SPATA17: variants seen among roughly 807,000 people sequenced by gnomAD.
The protein encoded by SPATA17 is spermatogenesis associated 17, also known as spermatogenesis-associated protein 17.
SPATA17 carries 53 observed loss-of-function variants against 62.2 expected under a neutral mutation model. That is an observed-to-expected ratio of 0.85 (90% CI 0.68 to 1.07). SPATA17 has a LOEUF of 1.07. Ranked by LOEUF, SPATA17 falls within the 50% of genes least tolerant of loss-of-function variation. The pLI is 0.00. For synonymous variants in SPATA17, 146 were observed against 146.8 expected (o/e 0.99, Z 0.04); for missense variants, 466 against 425.5 (o/e 1.10, Z -0.84).
chr1:217,800,842 C>T (rs760903586), intron 8 of SPATA17, among the ~76,000 whole-genome samples: 1 of 152,064 alleles, frequency 6.6e-6, no homozygotes, highest in Non-Finnish European at 1.5e-5. Context: ...AGGTTTATAA[C>T]TTTTTAAAAA....
chr1:217,816,694 A>G (rs934537487), intron 9 of SPATA17, among the ~76,000 whole-genome samples: 2 of 152,086 alleles, frequency 1.3e-5, no homozygotes, highest in African/African-American at 4.8e-5. Flanking sequence ...AATATTAAGA[A>G]GTTACTATCT....
intron 9 of SPATA17, among the ~76,000 whole-genome samples, chr1:217,805,464 T>C (rs1674411137): frequency 6.6e-6 from 1 of 152,194 alleles, no homozygotes; most frequent in East Asian, 1.9e-4. Context: ...AGATCTATTA[T>C]ACAGCATGGT....
chr1:217,666,593 C>A (rs1670701989), intron 3 of SPATA17, among the ~76,000 whole-genome samples: 1 of 151,972 alleles, frequency 6.6e-6, no homozygotes, highest in Non-Finnish European at 1.5e-5. Context: ...CCACTTCAAT[C>A]ATTTTTAACT....
intron 9 of SPATA17, among the ~76,000 whole-genome samples, chr1:217,848,321 T>C (rs1312160854): frequency 6.6e-6 from 1 of 152,186 alleles, no homozygotes; most frequent in African/African-American, 2.4e-5. Flanking sequence ...GATTTATCAA[T>C]TTCTGTGTTA....
At position 217,749,995 on chromosome 1, in the gene SPATA17, A is replaced by C. The variant is rs1395102509; in HGVS notation, c.519+7897A>C. Among the ~76,000 whole-genome samples, 46 of 103,586 alleles carry C rather than the reference A, an allele frequency of 4.4e-4. 2 individuals carry two copies. Among genetic ancestry groups the C allele is most frequent in the African/African-American group, 6.0e-4 (18 of 30,060 alleles). The allele number at this position is 103,586 out of a possible 152,430, so 68.0% of individuals were successfully genotyped here. A position where few individuals can be genotyped will look rare whatever the true frequency, so the allele number is the denominator to read the frequency against. ...TCTCTCTCTCTCTCTCTATATATAT[A>C]TATATATATATATATATGAGGTAGG... On this transcript the variant is annotated intron_variant, in intron 6 of 10. Coordinates refer to ENST00000366933, the MANE Select transcript of SPATA17 (RefSeq NM_138796.4).
intron 5 of SPATA17, among the ~76,000 whole-genome samples, chr1:217,731,515 C>T (rs901698578): frequency 1.3e-5 from 2 of 152,164 alleles, no homozygotes; most frequent in African/African-American, 4.8e-5. Context: ...GGTGGCCAAG[C>T]CCTATCAATT....
chr1:217,713,496 T>A (rs1283431021), intron 5 of SPATA17, among the ~76,000 whole-genome samples: 1 of 152,190 alleles, frequency 6.6e-6, no homozygotes, highest in Non-Finnish European at 1.5e-5. Context: ...TAAGAAGTAT[T>A]GAGTTTCTCC....
chr1:217,803,283 A>C (rs1348183201), intron 9 of SPATA17, among the ~76,000 whole-genome samples: 1 of 152,204 alleles, frequency 6.6e-6, no homozygotes, highest in East Asian at 1.9e-4. Context: ...AGGCAAGAGA[A>C]AGAAAGAAAA....
chr1:217,844,949 T>C (rs1222194018), intron 9 of SPATA17, among the ~76,000 whole-genome samples: 11 of 152,166 alleles, frequency 7.2e-5, no homozygotes, highest in African/African-American at 2.4e-4. Context: ...TGTTCATCAC[T>C]AATTCAACTT....
At chr1:217,636,063 G>GTTCAAGTGAGCCGAGGTTGCAC (rs1403907378) in intron 1 of SPATA17, among the ~76,000 whole-genome samples, 2 of 149,336 alleles carry the variant, frequency 1.3e-5, no homozygotes. Context: ...AACCCTAGAG[G>GTTCAAGTGAGCCGAGGTTGCAC]TGGAGGTTGC....
Position 217,869,745 on chromosome 1 carries a change from C to T in SPATA17, c.*2726C>T, listed in dbSNP as rs564402249. 1 of 151,930 alleles carries T rather than the reference C, an allele frequency of 6.6e-6. No homozygotes were observed. Among genetic ancestry groups the T allele is most frequent in the East Asian group, 1.9e-4 (1 of 5,134 alleles). The allele number at this position is 151,930 out of a possible 1,614,324, so 9.4% of individuals were successfully genotyped here. On this transcript the variant is annotated 3_prime_UTR_variant, in exon 11 of 11. Transcript: ENST00000366933. ...AGGGTATAATGAAGCATGTCCAATT[C>T]CCCATGCCCCACCCCCACCCCCACA...
intron 6 of SPATA17, among the ~76,000 whole-genome samples, chr1:217,748,368 C>T (rs1217418413): frequency 6.7e-6 from 1 of 149,828 alleles, no homozygotes; most frequent in Admixed American, 6.6e-5. Flanking sequence ...ATATGAAAAA[C>T]AGTTTTATAA....
intron 6 of SPATA17, among the ~76,000 whole-genome samples, chr1:217,757,800 C>T (rs780489744): frequency 2.0e-5 from 3 of 152,078 alleles, no homozygotes; most frequent in East Asian, 1.9e-4. Flanking sequence ...AAGATCATTA[C>T]GTTGTAGGCT....
rs1302297744 is a variant in SPATA17, at chr1:217,850,409, C to G, written c.1006-12365C>G. On this transcript the variant is annotated intron_variant, in intron 9 of 10. Transcript: ENST00000366933. ...AATGCAAGACTGAAGAACTAACAGC[C>G]ACATCTCAGACGCTGGACCAGGTAC... is the stretch of plus-strand genomic sequence containing the variant. The G allele has an allele frequency of 2.5e-6, 3 of 1,187,216 alleles. No individual in the cohort carries two copies. The African/African-American group carries it at 4.5e-5, about 18-fold the overall frequency. The allele number at this position is 1,187,216 out of a possible 1,614,324, so 73.5% of individuals were successfully genotyped here. A position where few individuals can be genotyped will look rare whatever the true frequency, so the allele number is the denominator to read the frequency against.
Position 217,813,841 on chromosome 1 carries a change from C to G in SPATA17, c.1005+11991C>G, listed in dbSNP as rs547210596. On this transcript the variant is annotated intron_variant, in intron 9 of 10. Coordinates refer to ENST00000366933, the MANE Select transcript of SPATA17 (RefSeq NM_138796.4). ...ATATTTATATATGTATATGTATACT[C>G]TAGTCTACTATGCATTTCAGAAAAT... Among the ~76,000 whole-genome samples, 4 of 151,968 alleles carry G rather than the reference C, an allele frequency of 2.6e-5. 1 individual carries two copies. The highest frequency in any genetic ancestry group is 9.6e-5 in the African/African-American group (4 of 41,480).
chr1:217,810,690 A>C (rs1389107215), intron 9 of SPATA17, among the ~76,000 whole-genome samples: 1 of 152,020 alleles, frequency 6.6e-6, no homozygotes, highest in Non-Finnish European at 1.5e-5. Flanking sequence ...GGTTTAATTG[A>C]CTCAAAGTTC....
At chr1:217,816,832 C>G (rs1674728391) in intron 9 of SPATA17, among the ~76,000 whole-genome samples, 1 of 152,006 alleles carries the variant, frequency 6.6e-6, no homozygotes, top group Non-Finnish European at 1.5e-5. Context: ...GTTGAACCAT[C>G]CTTGTATTCC....
intron 5 of SPATA17, among the ~76,000 whole-genome samples, chr1:217,698,706 A>G (rs1453255694): frequency 6.6e-6 from 1 of 152,136 alleles, no homozygotes; most frequent in African/African-American, 2.4e-5. Context: ...GGTTTTCCCA[A>G]ATTTACTTTG....
At chr1:217,847,471 T>C (rs17677091) in intron 9 of SPATA17, among the ~76,000 whole-genome samples, 44,129 of 151,976 alleles carry the variant, frequency 0.29, 7,658 homozygotes, top group Non-Finnish European at 0.38. Context: ...GTTCAGAAAA[T>C]AGAGCTTTTA....
Sources: allele counts gnomAD v4.1 joint callset (sites outside exome capture counted in the v4.1 genomes callset), GRCh38; gene constraint gnomAD v4.1.1; transcripts MANE v1.5; gene names NCBI Gene and HGNC (gene_info 2026-07-23, HGNC 2026-07-21).